ZFR: variants seen among roughly 807,000 people sequenced by gnomAD.
ZFR encodes the protein zinc finger RNA binding protein.
ZFR carries 19 observed loss-of-function variants against 130.7 expected under a neutral mutation model. The ratio of observed to expected loss-of-function variants is 0.15; its 90% CI spans 0.10 to 0.21. The LOEUF is 0.21. ZFR is among the 10% of genes least tolerant of loss of function. ZFR has a pLI of 1.00. For synonymous variants in ZFR, 466 were observed against 456.9 expected, an observed-to-expected ratio of 1.02 and a Z score of -0.25; for missense variants, 872 against 1,321.5, an observed-to-expected ratio of 0.66 and a Z score of 5.27.
At chr5:32,405,347 T>C (rs1213602356) in intron 6 of ZFR, among the ~76,000 whole-genome samples, 1 of 152,176 alleles carries the variant, frequency 6.6e-6, no homozygotes, top group Non-Finnish European at 1.5e-5. Flanking sequence ...CTCTTTTCCT[T>C]CTTATGTACG....
At chr5:32,384,571 T>C (rs1172620330) in intron 15 of ZFR, among the ~76,000 whole-genome samples, 6 of 152,194 alleles carry the variant, frequency 3.9e-5, no homozygotes, top group Non-Finnish European at 7.4e-5. Context: ...ATTAAGTATG[T>C]AGTACCCTCT....
At chr5:32,410,682 C>A (rs1753688106) in intron 5 of ZFR, among the ~76,000 whole-genome samples, 1 of 151,462 alleles carries the variant, frequency 6.6e-6, no homozygotes, top group African/African-American at 2.4e-5. Context: ...ATACCAGAAA[C>A]AAAAAAAATT....
rs1384473840 is a variant in ZFR, at chr5:32,401,633, G to A, written c.1517-1430C>T. ...TATGAGGCTGGAAAGGTAGGCATGGGTCAGGTAATGATGGGCCTTATATGA... is the reference window on the plus strand; with the variant it reads ...TATGAGGCTGGAAAGGTAGGCATGGATCAGGTAATGATGGGCCTTATATGA... On this transcript the variant is annotated intron_variant, in intron 8 of 19. Transcript: ENST00000265069. 2.0e-5 allele frequency among the ~76,000 whole-genome samples: 3 copies of A among 152,282 alleles called. No individual in the cohort carries two copies. In the East Asian group the frequency reaches 5.8e-4, roughly 29 times the overall value.
At chr5:32,413,018 G>A (rs866114737) in intron 5 of ZFR, among the ~76,000 whole-genome samples, 1 of 152,020 alleles carries the variant, frequency 6.6e-6, no homozygotes, top group Non-Finnish European at 1.5e-5. Context: ...GCGAAACCCT[G>A]TCTCTACTAA....
intron 1 of ZFR, 110 bp from the exon 2 acceptor site, chr5:32,444,438 CT>C: frequency 7.5e-7 from 1 of 1,339,184 alleles, no homozygotes; most frequent in Non-Finnish European, 1.0e-6. Flanking sequence ...GAGAGCAGCC[CT>C]GGCGGGGCCC....
At position 32,370,160 on chromosome 5, in the gene ZFR, C is replaced by G. The variant is rs548271534; in HGVS notation, c.2836-5885G>C. 6.1e-5 allele frequency among the ~76,000 whole-genome samples: 9 copies of G among 148,336 alleles called. No homozygotes were observed. In the East Asian group the frequency reaches 1.4e-3, roughly 23 times the overall value. On this transcript the variant is annotated intron_variant, in intron 17 of 19. Coordinates refer to ENST00000265069, the MANE Select transcript of ZFR (RefSeq NM_016107.5). ...CAGGCTGGCCTCAAAATCCTGGGCT[C>G]AAGAGATCCTCTTGCCTCAGTCTCT...
chr5:32,381,215 G>C (rs1012993043), intron 15 of ZFR, among the ~76,000 whole-genome samples: 2 of 152,038 alleles, frequency 1.3e-5, no homozygotes, highest in Admixed American at 1.3e-4. Flanking sequence ...CAAAACTTGA[G>C]AATATATGAA....
Position 32,380,099 on chromosome 5 carries a change from A to T in ZFR, c.2715T>A (p.Ala905=). The change falls in exon 16 of 20, where the codon GCT becomes GCA. Residue 905 remains alanine, a synonymous_variant. Transcript: ENST00000265069. ...CCTGGAACCACTTAGCGTGGCGTAG[A>T]GCAGCCAGAGCGTCAAGGCATTTTT... ...DRQKCLDALA[A]LRHAKWFQAR... 6.2e-7 allele frequency: 1 copy of T among 1,614,116 alleles called. No homozygotes were observed. Among genetic ancestry groups the T allele is most frequent in the Non-Finnish European group, 8.5e-7 (1 of 1,179,958 alleles).
chr5:32,394,064 A>C (rs574695626), intron 11 of ZFR, among the ~76,000 whole-genome samples: 1 of 152,356 alleles, frequency 6.6e-6, no homozygotes. Flanking sequence ...TTTAGTTTTT[A>C]AAGTTGAAGG....
At chr5:32,368,362 A>G (rs1188157306) in intron 17 of ZFR, among the ~76,000 whole-genome samples, 1 of 152,142 alleles carries the variant, frequency 6.6e-6, no homozygotes, top group Non-Finnish European at 1.5e-5. Context: ...CCGCCTCCCA[A>G]GTAGCTGGGA....
chr5:32,402,656 T>C (rs1438028790), intron 8 of ZFR, among the ~76,000 whole-genome samples: 2 of 150,992 alleles, frequency 1.3e-5, no homozygotes, highest in African/African-American at 2.4e-5. Flanking sequence ...AGCACAGCTA[T>C]AGTCCCAGCT....
At chr5:32,436,487 A>C (rs985688280) in intron 2 of ZFR, among the ~76,000 whole-genome samples, 3 of 152,086 alleles carry the variant, frequency 2.0e-5, no homozygotes, top group Non-Finnish European at 4.4e-5. Flanking sequence ...TAAATAATTT[A>C]AAACATGTCT....
chr5:32,431,931 C>T (rs139204759), intron 2 of ZFR, among the ~76,000 whole-genome samples: 1 of 151,880 alleles, frequency 6.6e-6, no homozygotes, highest in East Asian at 1.9e-4. Context: ...CTCAGATGAT[C>T]TTCCCACCTC....
intron 19 of ZFR, among the ~76,000 whole-genome samples, chr5:32,358,963 C>T (rs1362142896): frequency 1.3e-5 from 2 of 151,974 alleles, no homozygotes; most frequent in Non-Finnish European, 2.9e-5. Context: ...TGGCTAAGCA[C>T]TTTGGGAGGT....
At chr5:32,443,852 T>G (rs1581723420) in intron 2 of ZFR, among the ~76,000 whole-genome samples, 1 of 152,142 alleles carries the variant, frequency 6.6e-6, no homozygotes, top group Non-Finnish European at 1.5e-5. Context: ...GGGAAGAAGA[T>G]GGGAGGTGGG....
At chr5:32,365,579 GA>G (rs1323655486) in intron 17 of ZFR, among the ~76,000 whole-genome samples, 1 of 151,710 alleles carries the variant, frequency 6.6e-6, no homozygotes, top group Non-Finnish European at 1.5e-5. Flanking sequence ...TTTATTTTGA[GA>G]AAGGGTCTTG....
At chr5:32,378,174 C>T (rs987851642) in intron 17 of ZFR, among the ~76,000 whole-genome samples, 4 of 152,052 alleles carry the variant, frequency 2.6e-5, no homozygotes, top group African/African-American at 7.2e-5. Flanking sequence ...CAATTTATTC[C>T]GCCCTCAAAA....
Position 32,403,316 on chromosome 5 carries a change from C to T in ZFR, c.1306G>A (p.Ala436Thr), listed in dbSNP as rs1753510194. The T allele has an allele frequency of 6.2e-7, 1 of 1,614,048 alleles. No individual in the cohort carries two copies. Among genetic ancestry groups the T allele is most frequent in the Non-Finnish European group, 8.5e-7 (1 of 1,180,032 alleles). The change falls in exon 8 of 20, where the codon GCT (alanine) becomes ACT (threonine). Residue 436 changes from alanine to threonine, a missense_variant. Ala to Thr is a moderately conservative substitution (Grantham distance 58). Transcript: ENST00000265069. ...NVVSQATSST[A>T]VSASKPTASP... The stretch of plus-strand genomic sequence containing the variant: ...GCAGTCGGCTTTGAAGCAGATACAG[C>T]TGTTGAAGAAGTAGCTTGGCTAACA...
At chr5:32,358,197 A>T (rs1463581301) in intron 19 of ZFR, among the ~76,000 whole-genome samples, 2 of 152,168 alleles carry the variant, frequency 1.3e-5, no homozygotes, top group Non-Finnish European at 2.9e-5. Context: ...TCTCTACTAA[A>T]AATAGAAAAA....
Sources: gnomAD v4.1 joint callset for allele counts (sites outside exome capture counted in the v4.1 genomes callset) on GRCh38, gnomAD v4.1.1 for gene constraint, MANE v1.5 for transcripts, NCBI Gene and HGNC (gene_info 2026-07-23, HGNC 2026-07-21) for gene names.